Variants in FAM167A observed in about 807,000 individuals in gnomAD.
The protein encoded by FAM167A is protein FAM167A.
A neutral mutation model predicts 14.9 loss-of-function variants in FAM167A; 23 were observed. That is an observed-to-expected ratio of 1.55 (90% CI 1.11 to 2.19). The LOEUF (loss-of-function observed/expected upper bound fraction) is 2.19. FAM167A is among the 30% of genes most tolerant of loss of function. The pLI is 0.00. For missense variants in FAM167A, 401 were observed against 281.5 expected (o/e 1.42, Z -3.04); for synonymous variants, 174 against 117.7 (o/e 1.48, Z -3.10).
chr8:11,426,133 T>C (rs1430448143), intron 2 of FAM167A, among the ~76,000 whole-genome samples: 3 of 152,252 alleles, frequency 2.0e-5, no homozygotes, highest in Non-Finnish European at 4.4e-5. Context: ...TTCAAGTCTT[T>C]AGGCAAAACT....
intron 2 of FAM167A, among the ~76,000 whole-genome samples, chr8:11,429,144 G>A (rs1376855640): frequency 6.6e-6 from 1 of 152,010 alleles, no homozygotes; most frequent in Non-Finnish European, 1.5e-5. Context: ...CCAGCCCCTG[G>A]CACCCACCCT....
At chr8:11,428,403 C>T (rs549133203) in intron 2 of FAM167A, among the ~76,000 whole-genome samples, 49 of 152,374 alleles carry the variant, frequency 3.2e-4, no homozygotes, top group Middle Eastern at 6.8e-3. Context: ...ACAAAGGCCG[C>T]CTGGATGGCG....
intron 2 of FAM167A, among the ~76,000 whole-genome samples, chr8:11,434,602 C>G (rs544775529): frequency 6.6e-6 from 1 of 152,278 alleles, no homozygotes; most frequent in African/African-American, 2.4e-5. Context: ...TGTGATCAGG[C>G]CTTTAATTTT....
At chr8:11,434,600 G>C (rs967122760) in intron 2 of FAM167A, among the ~76,000 whole-genome samples, 1 of 152,168 alleles carries the variant, frequency 6.6e-6, no homozygotes, top group Non-Finnish European at 1.5e-5. Flanking sequence ...CCTGTGATCA[G>C]GCCTTTAATT....
chr8:11,431,160 A>C (rs185002387), intron 2 of FAM167A, among the ~76,000 whole-genome samples: 2 of 152,286 alleles, frequency 1.3e-5, no homozygotes, highest in Admixed American at 1.3e-4. Flanking sequence ...TCCACAGATG[A>C]ATGGATCCAC....
In FAM167A at chr8:11,444,399, G is replaced by C. The variant is rs1327906337; in HGVS notation, c.13C>G (p.Gln5Glu). 2 of 1,552,046 alleles carry C rather than the reference G, an allele frequency of 1.3e-6. No individual in the cohort carries two copies. Among genetic ancestry groups the C allele is most frequent in the South Asian group, 1.2e-5 (1 of 83,510 alleles). ...GCACCCACTTCTTCCACGTGGATCT[G>C]GGGCACAGACATTCTACAGTCTGCC... MSVP[Q>E]IHVEEVGAEE... is the part of the protein sequence containing the mutation. Residue 5 changes from glutamine to glutamate, a missense_variant, in exon 2 of 3, where the codon CAG becomes GAG. By Grantham distance (29) the Gln-to-Glu change is conservative. Transcript: ENST00000284486.
chr8:11,431,395 A>T (rs1256108658), intron 2 of FAM167A, among the ~76,000 whole-genome samples: 1 of 152,162 alleles, frequency 6.6e-6, no homozygotes, highest in African/African-American at 2.4e-5. Flanking sequence ...GGGAGAGGGG[A>T]TGGGGAGTTA....
rs1804727803 is a variant in FAM167A, at chr8:11,421,573, A to G, written c.*2800T>C. On this transcript the variant is annotated 3_prime_UTR_variant, in exon 3 of 3. Coordinates refer to ENST00000284486, the MANE Select transcript of FAM167A (RefSeq NM_053279.3). ...ATAATCATAAAAAATAAAAGTATAAATCGTCCATTGATTATGTAATAGCAC... is the reference window on the plus strand; with the variant it reads ...ATAATCATAAAAAATAAAAGTATAAGTCGTCCATTGATTATGTAATAGCAC... 7.5e-6 allele frequency: 3 copies of G among 397,678 alleles called. No homozygotes were observed. Among genetic ancestry groups the G allele is most frequent in the Admixed American group, 4.4e-5 (1 of 22,702 alleles). The allele number at this position is 397,678 out of a possible 1,614,324, so 24.6% of individuals were successfully genotyped here. A position where few individuals can be genotyped will look rare whatever the true frequency, so the allele number is the denominator to read the frequency against.
At chr8:11,450,708 A>G (rs1457416519) in intron 1 of FAM167A, among the ~76,000 whole-genome samples, 14 of 152,240 alleles carry the variant, frequency 9.2e-5, no homozygotes, top group Non-Finnish European at 1.8e-4. Flanking sequence ...GAATGAGCCA[A>G]TAAAACAGAT....
At chr8:11,444,873 C>T (rs1209011722) in intron 1 of FAM167A, 65 bp from the exon 2 acceptor site, 20 of 982,604 alleles carry the variant, frequency 2.0e-5, no homozygotes, top group Non-Finnish European at 2.4e-5. Context: ...GCGGGCACGT[C>T]CACTCCACAG....
intron 1 of FAM167A, among the ~76,000 whole-genome samples, chr8:11,452,024 A>G (rs36043848): frequency 0.32 from 48,583 of 152,068 alleles, 8,593 homozygotes; most frequent in Middle Eastern, 0.46. Context: ...CTGAGAGCAA[A>G]CCAGTGTCAT....
intron 2 of FAM167A, chr8:11,443,673 G>C (rs1806579780): frequency 4.6e-6 from 1 of 219,452 alleles, no homozygotes; most frequent in Admixed American, 5.2e-5. Flanking sequence ...CAGCAGGGTG[G>C]GGAGGTTCCA....
chr8:11,453,846 G>A (rs145753452), intron 1 of FAM167A, among the ~76,000 whole-genome samples: 49 of 152,294 alleles, frequency 3.2e-4, no homozygotes, highest in African/African-American at 1.1e-3. Context: ...TGCAGGGAAG[G>A]CTGGGTCTTC....
At chr8:11,441,623 T>C (rs1385977967) in intron 2 of FAM167A, among the ~76,000 whole-genome samples, 2 of 152,172 alleles carry the variant, frequency 1.3e-5, no homozygotes, top group African/African-American at 4.8e-5. Flanking sequence ...TCTCTCCCCA[T>C]AGCTCTCTAC....
intron 1 of FAM167A, among the ~76,000 whole-genome samples, chr8:11,466,319 C>T (rs1426617123): frequency 6.6e-6 from 1 of 152,208 alleles, no homozygotes; most frequent in Non-Finnish European, 1.5e-5. Flanking sequence ...CCCTCTCAGA[C>T]GGCAGACCCC....
At chr8:11,439,074 C>G (rs1039837902) in intron 2 of FAM167A, among the ~76,000 whole-genome samples, 2 of 152,254 alleles carry the variant, frequency 1.3e-5, no homozygotes, top group Admixed American at 6.5e-5. Context: ...ACAAAGAGAT[C>G]TGGATCCAGA....
intron 1 of FAM167A, among the ~76,000 whole-genome samples, chr8:11,473,009 C>G (rs1035336953): frequency 4.6e-5 from 7 of 152,170 alleles, no homozygotes; most frequent in Non-Finnish European, 1.0e-4. Context: ...CCAGGATGTT[C>G]AGGAACAAGG....
chr8:11,455,700 T>C, intron 1 of FAM167A, among the ~76,000 whole-genome samples: 1 of 46,098 alleles, frequency 2.2e-5, no homozygotes, highest in African/African-American at 8.7e-5. Context: ...GGGGGATGGT[T>C]GCTCTGCGGG....
At chr8:11,460,219 T>C (rs905613332) in intron 1 of FAM167A, among the ~76,000 whole-genome samples, 1 of 152,254 alleles carries the variant, frequency 6.6e-6, no homozygotes, top group South Asian at 2.1e-4. Flanking sequence ...ACTCCGGCTT[T>C]AGGCAGCCCT....
Sources: gnomAD v4.1 joint callset for allele counts (sites outside exome capture counted in the v4.1 genomes callset) on GRCh38, gnomAD v4.1.1 for gene constraint, MANE v1.5 for transcripts, NCBI Gene and HGNC (gene_info 2026-07-23, HGNC 2026-07-21) for gene names.